Variants in MAGI3 observed in about 807,000 individuals in gnomAD.
MAGI3 encodes the protein membrane-associated guanylate kinase, WW and PDZ domain-containing protein 3.
MAGI3 carries 43 observed loss-of-function variants against 121.8 expected under a neutral mutation model. The ratio of observed to expected loss-of-function variants is 0.35; its 90% CI spans 0.28 to 0.46. The LOEUF (loss-of-function observed/expected upper bound fraction) is 0.46, where lower values mean the gene tolerates loss of function less well. MAGI3 is among the 20% of genes least tolerant of loss of function. MAGI3 has a pLI of 1.00. For synonymous variants in MAGI3, 553 were observed against 639.3 expected, an observed-to-expected ratio of 0.86 and a Z score of 2.04; for missense variants, 1,547 against 1,797.3, an observed-to-expected ratio of 0.86 and a Z score of 2.52.
At chr1:113,565,730 A>G (rs1660412072) in intron 2 of MAGI3, among the ~76,000 whole-genome samples, 1 of 152,220 alleles carries the variant, frequency 6.6e-6, no homozygotes, top group African/African-American at 2.4e-5. Context: ...TAATATACAT[A>G]TCATCTTATT....
rs1239315626 is a variant in MAGI3, at chr1:113,642,404, A to G, written c.1854A>G (p.Ile618Met). Residue 618 changes from isoleucine to methionine, a missense_variant, in exon 10 of 21, where the codon ATA becomes ATG. Ile to Met is a conservative substitution (Grantham distance 10). Transcript: ENST00000307546. ...GTCAAGGCCTTCAGAAAGGAGATAT[A>G]ATTAAGGAAATATACCATCAAAATG... ...QWCQGLQKGD[I>M]IKEIYHQNVQ... The G allele has an allele frequency of 1.2e-5, 20 of 1,614,086 alleles. No individual in the cohort carries two copies. In the East Asian group the frequency reaches 4.5e-4, roughly 36 times the overall value.
At chr1:113,580,519 C>CTTT (rs753514522) in intron 2 of MAGI3, 23 bp from the exon 3 acceptor site, 3 of 1,458,540 alleles carry the variant, frequency 2.1e-6, no homozygotes, top group Non-Finnish European at 1.9e-6. Flanking sequence ...TTACAACCTA[C>CTTT]TTTTTTTTTT....
At chr1:113,536,317 A>G (rs1017904838) in intron 1 of MAGI3, among the ~76,000 whole-genome samples, 6 of 152,102 alleles carry the variant, frequency 3.9e-5, no homozygotes, top group Non-Finnish European at 7.4e-5. Flanking sequence ...TGCTTTTTCA[A>G]CACTGGAATG....
intron 16 of MAGI3, among the ~76,000 whole-genome samples, chr1:113,660,036 A>G (rs777445266): frequency 1.3e-5 from 2 of 152,154 alleles, no homozygotes; most frequent in Non-Finnish European, 2.9e-5. Context: ...ATTTTCTCCC[A>G]TGACCCTCTA....
At chr1:113,633,469 G>T (rs1331439213) in intron 9 of MAGI3, among the ~76,000 whole-genome samples, 1 of 151,300 alleles carries the variant, frequency 6.6e-6, no homozygotes, top group Non-Finnish European at 1.5e-5. Flanking sequence ...CACCGTTTTA[G>T]CCGGGATGGT....
At chr1:113,568,191 A>G (rs906042250) in intron 2 of MAGI3, among the ~76,000 whole-genome samples, 1 of 152,070 alleles carries the variant, frequency 6.6e-6, no homozygotes, top group Admixed American at 6.6e-5. Flanking sequence ...AGTGCATTCT[A>G]TTGTAGGTAA....
chr1:113,492,296 A>G (rs1355360085), intron 1 of MAGI3, among the ~76,000 whole-genome samples: 1 of 152,198 alleles, frequency 6.6e-6, no homozygotes, highest in Non-Finnish European at 1.5e-5. Flanking sequence ...GGTGCACAAA[A>G]GGCTCTCAAT....
At chr1:113,628,308 A>G (rs1014648824) in intron 9 of MAGI3, among the ~76,000 whole-genome samples, 2 of 152,176 alleles carry the variant, frequency 1.3e-5, no homozygotes, top group Non-Finnish European at 2.9e-5. Flanking sequence ...AAGAAAATGA[A>G]TAAAAACTGT....
At chr1:113,607,852 A>G (rs1405471543) in intron 6 of MAGI3, among the ~76,000 whole-genome samples, 2 of 152,158 alleles carry the variant, frequency 1.3e-5, no homozygotes, top group African/African-American at 2.4e-5. Context: ...GATTTTTTAT[A>G]ATTGAATCAT....
At chr1:113,572,095 T>C (rs2884704) in intron 2 of MAGI3, among the ~76,000 whole-genome samples, 30,507 of 152,138 alleles carry the variant, frequency 0.2, 3,930 homozygotes, top group East Asian at 0.63. Flanking sequence ...TGAGAGTTTT[T>C]AGCATGAAGG....
chr1:113,524,255 G>T (rs1009282658), intron 1 of MAGI3, among the ~76,000 whole-genome samples: 1 of 152,192 alleles, frequency 6.6e-6, no homozygotes, highest in Non-Finnish European at 1.5e-5. Flanking sequence ...TGTGGGGTGG[G>T]TATGCCCACA....
At chr1:113,532,257 G>A (rs528457356) in intron 1 of MAGI3, among the ~76,000 whole-genome samples, 1 of 152,018 alleles carries the variant, frequency 6.6e-6, no homozygotes, top group East Asian at 1.9e-4. Flanking sequence ...TGTTTGTATT[G>A]CAGTTATTAA....
At chr1:113,466,385 T>C (rs1655287157) in intron 1 of MAGI3, among the ~76,000 whole-genome samples, 6 of 152,182 alleles carry the variant, frequency 3.9e-5, no homozygotes. Context: ...GAATTTGGTT[T>C]GCTAGTATTT....
chr1:113,640,000 G>A (rs1777241), intron 9 of MAGI3, among the ~76,000 whole-genome samples: 114,544 of 152,218 alleles, frequency 0.75, 43,884 homozygotes, highest in African/African-American at 0.86. Flanking sequence ...CGCCCAGCCA[G>A]TGGCTTCTTA....
rs1036196661 is a variant in MAGI3 at position 113,684,602 on chromosome 1, A to T, written c.*588A>T. ...ACCCCCAAACATCACTACTTTAAGG[A>T]AAAAAAAAATGTAGTCCAATATTGA... On this transcript the variant is annotated 3_prime_UTR_variant, in exon 21 of 21. Coordinates refer to ENST00000307546, the MANE Select transcript of MAGI3 (RefSeq NM_001142782.2). 2 of 121,334 alleles carry T rather than the reference A, an allele frequency of 1.6e-5. No homozygotes were observed. Among genetic ancestry groups the T allele is most frequent in the Non-Finnish European group, 3.9e-5 (2 of 50,992 alleles). The allele number at this position is 121,334 out of a possible 1,614,324, so 7.5% of individuals were successfully genotyped here. A position where few individuals can be genotyped will look rare whatever the true frequency, so the allele number is the denominator to read the frequency against.
chr1:113,420,916 C>T (rs1652701296), intron 1 of MAGI3, among the ~76,000 whole-genome samples: 1 of 151,936 alleles, frequency 6.6e-6, no homozygotes, highest in African/African-American at 2.4e-5. Flanking sequence ...ATTGGGAGAG[C>T]TGAAAAAGTT....
chr1:113,685,574 T>C lies in MAGI3; in HGVS notation c.*1560T>C, dbSNP rs1326911408. On this transcript the variant is annotated 3_prime_UTR_variant, in exon 21 of 21. Transcript: ENST00000307546. ...TATATTTACCCACCTATTGTAACTA[T>C]TCAAATAGAGCAAAATTAGGAGGCT... is the stretch of plus-strand genomic sequence containing the variant. 1 of 152,354 alleles carries C rather than the reference T, an allele frequency of 6.6e-6. No individual in the cohort carries two copies. Among genetic ancestry groups the C allele is most frequent in the Non-Finnish European group, 1.5e-5 (1 of 68,034 alleles). The allele number at this position is 152,354 out of a possible 1,614,324, so 9.4% of individuals were successfully genotyped here.
At chr1:113,545,704 G>A (rs1659505872) in intron 1 of MAGI3, among the ~76,000 whole-genome samples, 1 of 152,060 alleles carries the variant, frequency 6.6e-6, no homozygotes, top group African/African-American at 2.4e-5. Context: ...GGACTTTTTT[G>A]CAACCAAGCT....
At chr1:113,454,862 C>T (rs1654667729) in intron 1 of MAGI3, among the ~76,000 whole-genome samples, 1 of 152,174 alleles carries the variant, frequency 6.6e-6, no homozygotes, top group African/African-American at 2.4e-5. Flanking sequence ...TAGTCATCAT[C>T]ATCCTTATCA....
Sources: allele counts gnomAD v4.1 joint callset (sites outside exome capture counted in the v4.1 genomes callset), GRCh38; gene constraint gnomAD v4.1.1; transcripts MANE v1.5; gene names NCBI Gene and HGNC (gene_info 2026-07-23, HGNC 2026-07-21).